Variants in COLQ observed in about 807,000 individuals in gnomAD.
The protein encoded by COLQ is acetylcholinesterase collagenic tail peptide.
COLQ carries 48 observed loss-of-function variants against 69.0 expected under a neutral mutation model. The ratio of observed to expected loss-of-function variants is 0.70; its 90% CI spans 0.55 to 0.88. COLQ has a LOEUF of 0.88. COLQ is among the 40% of genes least tolerant of loss of function. The pLI is 0.00. For synonymous variants in COLQ, 217 were observed against 211.2 expected (o/e 1.03, Z -0.24); for missense variants, 618 against 594.6 (o/e 1.04, Z -0.41).
chr3:15,459,695 T>A (rs2062077940), intron 12 of COLQ, among the ~76,000 whole-genome samples: 1 of 151,980 alleles, frequency 6.6e-6, no homozygotes, highest in Non-Finnish European at 1.5e-5. Flanking sequence ...GCCAGGCTGG[T>A]CTCGAACTCC....
intron 3 of COLQ, among the ~76,000 whole-genome samples, chr3:15,486,110 T>C (rs1305179646): frequency 6.6e-6 from 1 of 152,182 alleles, no homozygotes; most frequent in Non-Finnish European, 1.5e-5. Context: ...TATTTTTGGA[T>C]AGGGAAGAGG....
intron 7 of COLQ, chr3:15,475,182 C>G: frequency 1.5e-6 from 1 of 655,598 alleles, no homozygotes; most frequent in South Asian, 1.9e-5. Flanking sequence ...CAAAGGTTTC[C>G]ATCTGCTCTG....
intron 11 of COLQ, chr3:15,467,855 C>G: frequency 2.2e-6 from 1 of 456,720 alleles, no homozygotes; most frequent in Non-Finnish European, 4.4e-6. Flanking sequence ...GACCGGCTGC[C>G]TTGTCCACAT....
chr3:15,490,418 T>C (rs566833305), intron 1 of COLQ, among the ~76,000 whole-genome samples: 31 of 152,162 alleles, frequency 2.0e-4, no homozygotes, highest in Non-Finnish European at 3.8e-4. Context: ...GCCCAGAAGC[T>C]CCTTCAAGCT....
chr3:15,484,848 G>C (rs185193282), intron 3 of COLQ, among the ~76,000 whole-genome samples: 1 of 151,582 alleles, frequency 6.6e-6, no homozygotes, highest in Non-Finnish European at 1.5e-5. Flanking sequence ...AGCTTCTTTA[G>C]CTCGGAGAAG....
intron 6 of COLQ, 92 bp downstream of exon 6, chr3:15,477,034 T>C (rs2062390356): frequency 4.1e-6 from 5 of 1,215,860 alleles, no homozygotes; most frequent in Non-Finnish European, 4.8e-6. Context: ...GAAGAAGGGA[T>C]TCCCTGACTA....
chr3:15,517,701 G>C (rs913157108), intron 1 of COLQ, among the ~76,000 whole-genome samples: 2 of 152,026 alleles, frequency 1.3e-5, no homozygotes, highest in Admixed American at 1.3e-4. Context: ...ACCCACCAAT[G>C]GTTAACGCAA....
chr3:15,456,410 A>G (rs1159319766), intron 14 of COLQ, 50 bp downstream of exon 14: 28 of 1,610,128 alleles, frequency 1.7e-5, no homozygotes, highest in Non-Finnish European at 2.3e-5. Context: ...TAATGGATGC[A>G]TCTCTCTCCT....
chr3:15,493,044 C>T (rs940913649), intron 1 of COLQ, among the ~76,000 whole-genome samples: 1 of 152,210 alleles, frequency 6.6e-6, no homozygotes, highest in Non-Finnish European at 1.5e-5. Context: ...ACAGGAACAA[C>T]AGGTGGCCAC....
intron 1 of COLQ, among the ~76,000 whole-genome samples, chr3:15,494,168 G>A (rs777106846): frequency 6.6e-6 from 1 of 152,208 alleles, no homozygotes; most frequent in Non-Finnish European, 1.5e-5. Flanking sequence ...AAAGGGTTTA[G>A]GCTTTAATTG....
rs376385207 is a variant in COLQ, at chr3:15,475,469, C to A, written c.484G>T (p.Gly162Cys). 182 of 1,601,286 alleles carry A rather than the reference C, an allele frequency of 1.1e-4. No individual in the cohort carries two copies. The highest frequency in any genetic ancestry group is 5.0e-4 in the Middle Eastern group (3 of 6,052). The change falls in exon 7 of 17, where the codon GGT (glycine) becomes TGT (cysteine). Residue 162 changes from glycine to cysteine, a missense_variant. Coordinates refer to ENST00000383788, the MANE Select transcript of COLQ (RefSeq NM_005677.4). ...EGPRGEKGDL[G>C]MMGLPGSRGP... Reference sequence around the variant, plus strand: ...CTTGACCCTGGCAAGCCCATCATACCCAGGTCACCTTTTTCACCCTGTGGG... The same window carrying A: ...CTTGACCCTGGCAAGCCCATCATACACAGGTCACCTTTTTCACCCTGTGGG...
intron 12 of COLQ, among the ~76,000 whole-genome samples, chr3:15,463,736 G>A (rs60366093): frequency 0.024 from 3,660 of 152,152 alleles, 138 homozygotes; most frequent in African/African-American, 0.083. Context: ...CAGTCTCTGC[G>A]GTTGGTAGCT....
chr3:15,462,621 C>A (rs1474842655), intron 12 of COLQ, among the ~76,000 whole-genome samples: 2 of 152,178 alleles, frequency 1.3e-5, no homozygotes, highest in African/African-American at 2.4e-5. Context: ...CCAGGTGCCA[C>A]TGGGGATGTG....
At chr3:15,462,842 AG>A (rs1434772546) in intron 12 of COLQ, among the ~76,000 whole-genome samples, 1 of 152,182 alleles carries the variant, frequency 6.6e-6, no homozygotes, top group Non-Finnish European at 1.5e-5. Context: ...AGAAGGTGAG[AG>A]GAGTGCCATG....
chr3:15,467,523 A>T (rs1489107199), intron 11 of COLQ, among the ~76,000 whole-genome samples: 1 of 152,240 alleles, frequency 6.6e-6, no homozygotes, highest in Admixed American at 6.5e-5. Flanking sequence ...GCCGTTCCAC[A>T]TGGAGTGTCC....
chr3:15,504,237 T>C (rs1183698492), intron 1 of COLQ, among the ~76,000 whole-genome samples: 1 of 152,134 alleles, frequency 6.6e-6, no homozygotes, highest in Non-Finnish European at 1.5e-5. Flanking sequence ...CTGCGGTTCG[T>C]GTATTGGTTT....
rs1315538590 is a variant in COLQ at position 15,456,010 on chromosome 3, AAG to A, written c.1082_1083del (p.Pro361LeufsTer26). ...SLGWLPIQLT[P>X]FYPVDYTADQ... ...TCTGCAGTGTAATCCACAGGGTAGA[AAG>A]GGGTCAGCTGGCCAAAGAAGCACAC... On this transcript the variant is annotated frameshift_variant, in exon 15 of 17. Coordinates refer to ENST00000383788, the MANE Select transcript of COLQ (RefSeq NM_005677.4). LOFTEE classifies it high-confidence loss of function. 6.2e-7 allele frequency: 1 copy of A among 1,613,940 alleles called. No individual in the cohort carries two copies. The highest frequency in any genetic ancestry group is 2.2e-5 in the East Asian group (1 of 44,842).
chr3:15,470,889 C>A (rs931798773), intron 10 of COLQ, among the ~76,000 whole-genome samples: 4 of 152,150 alleles, frequency 2.6e-5, no homozygotes, highest in African/African-American at 9.7e-5. Flanking sequence ...ATTTTGATGG[C>A]CAAATAGAAG....
At chr3:15,483,803 G>C (rs905880612) in intron 3 of COLQ, among the ~76,000 whole-genome samples, 1 of 152,180 alleles carries the variant, frequency 6.6e-6, no homozygotes, top group Non-Finnish European at 1.5e-5. Flanking sequence ...GTCTAATGTT[G>C]ACAGTGGGGT....
Sources: allele counts gnomAD v4.1 joint callset (sites outside exome capture counted in the v4.1 genomes callset), GRCh38; gene constraint gnomAD v4.1.1; transcripts MANE v1.5; gene names NCBI Gene and HGNC (gene_info 2026-07-23, HGNC 2026-07-21).